The following GALM variants were observed in gnomAD, a reference collection of about 807,000 sequenced individuals.
GALM encodes aldose 1-epimerase.
Under a neutral mutation model 37.4 loss-of-function variants are expected in GALM, and 43 were observed. The observed-to-expected ratio is 1.15, with a 90% CI of 0.90 to 1.48. The LOEUF (loss-of-function observed/expected upper bound fraction) is 1.48. Ranked by LOEUF, GALM falls within the 40% of genes most tolerant of loss-of-function variation. The pLI, the probability that GALM is intolerant of heterozygous loss-of-function variation, is 0.00. For synonymous variants in GALM, 199 were observed against 170.6 expected, an observed-to-expected ratio of 1.17 and a Z score of -1.30; for missense variants, 456 against 419.1, an observed-to-expected ratio of 1.09 and a Z score of -0.77.
intron 4 of GALM, among the ~76,000 whole-genome samples, chr2:38,713,691 C>T (rs1225771227): frequency 6.6e-6 from 1 of 151,988 alleles, no homozygotes; most frequent in Non-Finnish European, 1.5e-5. Flanking sequence ...ATTGCTTGAG[C>T]TCATGAGTTT....
chr2:38,729,234 C>T (rs1666545748), intron 4 of GALM, among the ~76,000 whole-genome samples: 1 of 151,916 alleles, frequency 6.6e-6, no homozygotes, highest in South Asian at 2.1e-4. Context: ...GTTACCTATG[C>T]TGGAGTGCAG....
At chr2:38,683,437 G>A (rs114073612) in intron 3 of GALM, among the ~76,000 whole-genome samples, 4,155 of 152,202 alleles carry the variant, frequency 0.027, 97 homozygotes, top group Non-Finnish European at 0.044. Context: ...GAATATTTGC[G>A]TTATATATAC....
chr2:38,717,025 C>T (rs565812240), intron 4 of GALM, among the ~76,000 whole-genome samples: 13 of 152,024 alleles, frequency 8.6e-5, no homozygotes, highest in African/African-American at 2.4e-4. Flanking sequence ...CCGAGGCAGG[C>T]GGATCACCTG....
intron 4 of GALM, among the ~76,000 whole-genome samples, chr2:38,703,077 TATATATATATATATA>T (rs1227348758): frequency 6.6e-4 from 5 of 7,620 alleles, no homozygotes; most frequent in Non-Finnish European, 1.1e-3. Context: ...TATATATATA[TATATATATATATATA>T]TTTTTTTTTT....
chr2:38,710,020 C>T (rs1351195878), intron 4 of GALM, among the ~76,000 whole-genome samples: 1 of 152,208 alleles, frequency 6.6e-6, no homozygotes, highest in Non-Finnish European at 1.5e-5. Context: ...TCTAGCACCA[C>T]GTGCTCTTCC....
chr2:38,674,335 A>G (rs34397532), intron 1 of GALM, among the ~76,000 whole-genome samples: 30,817 of 151,850 alleles, frequency 0.2, 4,029 homozygotes, highest in East Asian at 0.53. Context: ...GACTACAGGC[A>G]CAGGCCACGA....
intron 4 of GALM, among the ~76,000 whole-genome samples, chr2:38,712,642 C>T (rs901904134): frequency 2.6e-5 from 4 of 152,176 alleles, no homozygotes; most frequent in African/African-American, 9.7e-5. Flanking sequence ...CCCTGGGCTT[C>T]AGGGCTCCCT....
chr2:38,707,177 G>A (rs1406899533), intron 4 of GALM, among the ~76,000 whole-genome samples: 2 of 152,056 alleles, frequency 1.3e-5, no homozygotes, highest in East Asian at 3.9e-4. Flanking sequence ...TGCCTGTGGG[G>A]TGTACATCTC....
At chr2:38,732,406 C>G (rs959786267) in intron 6 of GALM, among the ~76,000 whole-genome samples, 1 of 152,206 alleles carries the variant, frequency 6.6e-6, no homozygotes, top group Non-Finnish European at 1.5e-5. Flanking sequence ...AACCCATAGC[C>G]AAGCTACTAA....
intron 4 of GALM, among the ~76,000 whole-genome samples, chr2:38,707,958 T>G (rs188165240): frequency 6.6e-6 from 1 of 151,748 alleles, no homozygotes; most frequent in Non-Finnish European, 1.5e-5. Context: ...AAATAAAAAA[T>G]TAGCGAGGCG....
chr2:38,733,176 G>GC (rs1450965826), intron 6 of GALM, among the ~76,000 whole-genome samples: 2 of 139,116 alleles, frequency 1.4e-5, no homozygotes, highest in African/African-American at 2.8e-5. Context: ...AGCTGAGATC[G>GC]CCCCACTGCA....
At chr2:38,670,107 A>C (rs12712610) in intron 1 of GALM, among the ~76,000 whole-genome samples, 1 of 151,590 alleles carries the variant, frequency 6.6e-6, no homozygotes, top group East Asian at 2.0e-4. Flanking sequence ...CAAGTGATCC[A>C]CCTACCTCAG....
intron 1 of GALM, among the ~76,000 whole-genome samples, chr2:38,675,518 GTTTTTTTGTTTTTTTT>G (rs1280438314): frequency 3.8e-5 from 4 of 104,976 alleles, no homozygotes; most frequent in African/African-American, 1.8e-4. Flanking sequence ...TGGATTGAGG[GTTTTTTTGTTTTTTTT>G]TTTTTTTTTT....
chr2:38,697,010 G>A (rs569525741), intron 4 of GALM, among the ~76,000 whole-genome samples: 1 of 151,724 alleles, frequency 6.6e-6, no homozygotes, highest in Non-Finnish European at 1.5e-5. Context: ...GGATGGTCTC[G>A]AACTCCTGAC....
chr2:38,709,851 T>C (rs1666113270), intron 4 of GALM, among the ~76,000 whole-genome samples: 1 of 152,234 alleles, frequency 6.6e-6, no homozygotes, highest in Non-Finnish European at 1.5e-5. Flanking sequence ...GATGGCTTAA[T>C]GAGGTGTCAG....
chr2:38,667,645 G>A lies in GALM; in HGVS notation c.190+1294G>A, dbSNP rs185769872. ...CTTTCTGTTGAACACCACCATGCCC[G>A]GCTAATTTTTTTGTGTTTTTGGTAG... On this transcript the variant is annotated intron_variant, in intron 1 of 6. Transcript: ENST00000272252. Among the ~76,000 whole-genome samples, 17 of 146,068 alleles carry A rather than the reference G, an allele frequency of 1.2e-4. 1 individual carries two copies. Among genetic ancestry groups the A allele is most frequent in the Admixed American group, 1.0e-3 (14 of 13,786 alleles).
intron 4 of GALM, among the ~76,000 whole-genome samples, chr2:38,724,352 GA>G (rs906556506): frequency 1.3e-5 from 2 of 151,942 alleles, no homozygotes; most frequent in East Asian, 1.9e-4. Context: ...TGAGAACAAA[GA>G]AAAAAAAGAT....
In GALM at chr2:38,688,879, C is replaced by T. The variant is rs180953235; in HGVS notation, c.553-934C>T. 2.6e-5 allele frequency among the ~76,000 whole-genome samples: 4 copies of T among 152,172 alleles called. No individual in the cohort carries two copies. In the East Asian group the frequency reaches 5.8e-4, roughly 22 times the overall value. On this transcript the variant is annotated intron_variant, in intron 3 of 6. Transcript: ENST00000272252. ...ATGCCCAGGCTGGAGTGCAATGGCA[C>T]GCGCGATCTTGGCTCACCGCAACCT...
intron 1 of GALM, among the ~76,000 whole-genome samples, chr2:38,670,589 T>C (rs1329532185): frequency 6.6e-6 from 1 of 152,142 alleles, no homozygotes; most frequent in Non-Finnish European, 1.5e-5. Context: ...GTGAAACAAA[T>C]GGATTGTGAT....
Sources: gnomAD v4.1 joint callset for allele counts (sites outside exome capture counted in the v4.1 genomes callset) on GRCh38, gnomAD v4.1.1 for gene constraint, MANE v1.5 for transcripts, NCBI Gene and HGNC (gene_info 2026-07-23, HGNC 2026-07-21) for gene names.